Variants in NAP1L1 observed in about 807,000 individuals in gnomAD.
The protein encoded by NAP1L1 is nucleosome assembly protein 1-like 1.
In NAP1L1, 9 loss-of-function variants were observed where a neutral mutation model predicts 58.9. That is an observed-to-expected ratio of 0.15 (90% confidence interval 0.09 to 0.27). The LOEUF (loss-of-function observed/expected upper bound fraction) is 0.27. Among genes scored for constraint, NAP1L1 ranks in the 10% least tolerant of loss-of-function variants. The pLI, the probability that NAP1L1 is intolerant of heterozygous loss-of-function variation, is 1.00. For missense variants in NAP1L1, 302 were observed against 458.8 expected, an observed-to-expected ratio of 0.66 and a Z score of 3.12; for synonymous variants, 130 against 138.3, an observed-to-expected ratio of 0.94 and a Z score of 0.42.
At chr12:76,050,397 T>C (rs971244791) in intron 12 of NAP1L1, 134 bp downstream of exon 12, 2 of 1,121,648 alleles carry the variant, frequency 1.8e-6, no homozygotes, top group African/African-American at 1.6e-5. Context: ...AAAAGCTATA[T>C]ACAGAACATC....
intron 4 of NAP1L1, among the ~76,000 whole-genome samples, chr12:76,066,490 C>T (rs1949678873): frequency 6.6e-6 from 1 of 151,856 alleles, no homozygotes; most frequent in Admixed American, 6.6e-5. Context: ...AAGTTGCAAT[C>T]CCAACAAGAA....
Position 76,046,012 on chromosome 12 carries a change from C to G in NAP1L1, c.*2417G>C, listed in dbSNP as rs929249633. ...CATTTTAGTCTTCAAATAATAAACT[C>G]CACTTAGCAGGGATTGTGAGGTTGC... On this transcript the variant is annotated 3_prime_UTR_variant, in exon 15 of 15. Transcript: ENST00000618691. 1 of 151,888 alleles carries G rather than the reference C, an allele frequency of 6.6e-6. No individual in the cohort carries two copies. Among genetic ancestry groups the G allele is most frequent in the Non-Finnish European group, 1.5e-5 (1 of 67,862 alleles). The allele number at this position is 151,888 out of a possible 1,614,324, so 9.4% of individuals were successfully genotyped here. A position where few individuals can be genotyped will look rare whatever the true frequency, so the allele number is the denominator to read the frequency against.
At chr12:76,060,324 A>T in intron 4 of NAP1L1, 45 bp from the exon 5 acceptor site, 5 of 1,580,836 alleles carry the variant, frequency 3.2e-6, no homozygotes, top group Non-Finnish European at 4.3e-6. Flanking sequence ...GTAAAATGGA[A>T]GTCACACTTC....
At position 76,043,406 on chromosome 12, in the gene NAP1L1, T is replaced by TA. The variant is rs1376695612; in HGVS notation, c.*5022dup. The TA allele has an allele frequency of 2.1e-5, 3 of 145,994 alleles. No homozygotes were observed. The highest frequency in any genetic ancestry group is 7.7e-5 in the African/African-American group (3 of 39,124). The allele number at this position is 145,994 out of a possible 1,614,324, so 9.0% of individuals were successfully genotyped here. A position where few individuals can be genotyped will look rare whatever the true frequency, so the allele number is the denominator to read the frequency against. On this transcript the variant is annotated 3_prime_UTR_variant, in exon 15 of 15. Coordinates refer to ENST00000618691, the MANE Select transcript of NAP1L1 (RefSeq NM_004537.7). ...TGGGCGTGGTGGCACGTGCCTGTGA[T>TA]ACCAGCTACTCGAGAGGCTGATTGC...
At chr12:76,061,400 G>A (rs908061991) in intron 4 of NAP1L1, among the ~76,000 whole-genome samples, 1 of 152,154 alleles carries the variant, frequency 6.6e-6, no homozygotes, top group Non-Finnish European at 1.5e-5. Context: ...CTGTTCATGT[G>A]TTAGTTTGTT....
chr12:76,053,189 C>T lies in NAP1L1; in HGVS notation c.916+16G>A. 1 of 1,613,078 alleles carries T rather than the reference C, an allele frequency of 6.2e-7. No individual in the cohort carries two copies. Among genetic ancestry groups the T allele is most frequent in the Non-Finnish European group, 8.5e-7 (1 of 1,179,568 alleles). On this transcript the variant is annotated intron_variant, in intron 10 of 14. Coordinates refer to ENST00000618691, the MANE Select transcript of NAP1L1 (RefSeq NM_004537.7). Reference sequence around the variant, plus strand: ...TATAAAACAACCGTTAATACTCAAGCTAAAACATTATTTACCTTCAGGAGG... The same window carrying T: ...TATAAAACAACCGTTAATACTCAAGTTAAAACATTATTTACCTTCAGGAGG...
In NAP1L1 at chr12:76,055,064, G is replaced by A. The variant is rs754675420; in HGVS notation, c.585C>T (p.His195=). Reference sequence around the variant, plus strand: ...AGAACTTCACTTTAATATCTTTCAAGTGCTTCAGAATAGGTTCATCGTGTT... The same window carrying A: ...AGAACTTCACTTTAATATCTTTCAAATGCTTCAGAATAGGTTCATCGTGTT... ...VQEHDEPILK[H]LKDIKVKFSD... is the part of the protein sequence containing the mutation. Residue 195 remains histidine (H), a synonymous_variant, in exon 8 of 15, where the codon CAC becomes CAT. Transcript: ENST00000618691. The A allele has an allele frequency of 1.1e-5, 18 of 1,604,662 alleles. No homozygotes were observed. The highest frequency in any genetic ancestry group is 1.7e-4 in the Middle Eastern group (1 of 6,028).
At position 76,069,910 on chromosome 12, in the gene NAP1L1, T is replaced by C. The variant is rs567288833; in HGVS notation, c.18-916A>G. Among the ~76,000 whole-genome samples, 4 of 152,340 alleles carry C rather than the reference T, an allele frequency of 2.6e-5. No homozygotes were observed. The South Asian group carries it at 6.2e-4, about 24-fold the overall frequency. On this transcript the variant is annotated intron_variant, in intron 2 of 14. Transcript: ENST00000618691. ...AGGAAAATAAGGATTCCTAAGTCAA[T>C]GTAAAACATCATTGTATAATTCCTG... is the stretch of plus-strand genomic sequence containing the variant.
chr12:76,079,455 G>A (rs991569266), intron 1 of NAP1L1, among the ~76,000 whole-genome samples: 7 of 152,020 alleles, frequency 4.6e-5, no homozygotes, highest in East Asian at 1.9e-4. Context: ...AGCTATGATC[G>A]TGCCACTGCA....
chr12:76,053,058 A>C, intron 11 of NAP1L1, 33 bp downstream of exon 11: 1 of 1,575,052 alleles, frequency 6.3e-7, no homozygotes, highest in Non-Finnish European at 8.7e-7. Flanking sequence ...AATATACTTA[A>C]CAATTCAATA....
chr12:76,048,226 T>G lies in NAP1L1; in HGVS notation c.*203A>C, dbSNP rs771767715. ...AATGAATGAACATGCGTGACAGAAT[T>G]TGTGCATTCAACATAGCTGGCAGAA... On this transcript the variant is annotated 3_prime_UTR_variant, in exon 15 of 15. Coordinates refer to ENST00000618691, the MANE Select transcript of NAP1L1 (RefSeq NM_004537.7). 2.0e-6 allele frequency: 1 copy of G among 507,096 alleles called. No individual in the cohort carries two copies. The highest frequency in any genetic ancestry group is 3.5e-6 in the Non-Finnish European group (1 of 287,050). The allele number at this position is 507,096 out of a possible 1,614,324, so 31.4% of individuals were successfully genotyped here. A position where few individuals can be genotyped will look rare whatever the true frequency, so the allele number is the denominator to read the frequency against.
At position 76,039,881 on chromosome 12, in the gene NAP1L1, T is replaced by C. The variant is rs1948534050; in HGVS notation, c.*8548A>G. On this transcript the variant is annotated 3_prime_UTR_variant, in exon 15 of 15. Transcript: ENST00000618691. ...TTAATACTGTAAACTGAAATCCCAC[T>C]AGTTTAAAACTATACATGGAATAGC... 1 of 152,234 alleles carries C rather than the reference T, an allele frequency of 6.6e-6. No individual in the cohort carries two copies. The highest frequency in any genetic ancestry group is 1.5e-5 in the Non-Finnish European group (1 of 68,046). 9.4% of individuals were successfully genotyped at this position (152,234 alleles called of 1,614,324 possible).
chr12:76,079,684 A>C (rs1273496222), intron 1 of NAP1L1, among the ~76,000 whole-genome samples: 2 of 140,692 alleles, frequency 1.4e-5, no homozygotes, highest in African/African-American at 5.3e-5. Flanking sequence ...GCTTGAAGGC[A>C]TTTTTTTTTT....
chr12:76,067,745 A>G (rs1949747997), intron 3 of NAP1L1, among the ~76,000 whole-genome samples: 1 of 152,192 alleles, frequency 6.6e-6, no homozygotes, highest in Non-Finnish European at 1.5e-5. Context: ...TCTTCCTGGT[A>G]TCCTGTGTTT....
At chr12:76,056,594 C>T (rs1166106808) in intron 6 of NAP1L1, 1 of 455,748 alleles carries the variant, frequency 2.2e-6, no homozygotes, top group Admixed American at 2.4e-5. Context: ...ATGTGTGTCA[C>T]AGCTCTGCCA....
In NAP1L1 at chr12:76,059,799, G is replaced by T; in HGVS notation, c.428C>A (p.Ser143Ter). 6.3e-7 allele frequency: 1 copy of T among 1,595,180 alleles called. No homozygotes were observed. The highest frequency in any genetic ancestry group is 8.5e-7 in the Non-Finnish European group (1 of 1,169,958). Residue 143 changes from serine to a stop codon, truncating the protein, a stop_gained and splice_region_variant, in exon 6 of 15, where the codon TCG (serine) becomes TAG (stop). Transcript: ENST00000618691. LOFTEE classifies it high-confidence loss of function. ...TACCAAAATAAAGTTGGTACTAACCGAAATCTCATCTTCTTCATCTGGTTT... is the reference window on the plus strand; with the variant it reads ...TACCAAAATAAAGTTGGTACTAACCTAAATCTCATCTTCTTCATCTGGTTT... Reference protein sequence around the residue: ...EWKPDEEDEISEELKEKAKIE... With the variant: ...EWKPDEEDEI
chr12:76,070,384 A>C (rs970448270), intron 2 of NAP1L1, among the ~76,000 whole-genome samples: 1 of 152,210 alleles, frequency 6.6e-6, no homozygotes, highest in Non-Finnish European at 1.5e-5. Context: ...CTGGGATTAC[A>C]GGCATAAGCC....
rs1238092070 is a variant in NAP1L1, at chr12:76,038,381, CTT to C, written c.*10046_*10047del. The C allele has an allele frequency of 2.0e-5, 3 of 152,156 alleles. No individual in the cohort carries two copies. Among genetic ancestry groups the C allele is most frequent in the Non-Finnish European group, 4.4e-5 (3 of 68,026 alleles). The allele number at this position is 152,156 out of a possible 1,614,324, so 9.4% of individuals were successfully genotyped here. A position where few individuals can be genotyped will look rare whatever the true frequency, so the allele number is the denominator to read the frequency against. On this transcript the variant is annotated 3_prime_UTR_variant, in exon 15 of 15. Coordinates refer to ENST00000618691, the MANE Select transcript of NAP1L1 (RefSeq NM_004537.7). ...AACTAAATTCCAAGGATATTTCCCT[CTT>C]TTGCTGTCATTTTTCCATTGCCACA... is the stretch of plus-strand genomic sequence containing the variant.
chr12:76,081,990 T>A (rs1198770039), intron 1 of NAP1L1, among the ~76,000 whole-genome samples: 1 of 152,208 alleles, frequency 6.6e-6, no homozygotes, highest in Admixed American at 6.5e-5. Context: ...CTTTTGCTCA[T>A]GACATAAGAT....
Sources: gnomAD v4.1 joint callset for allele counts (sites outside exome capture counted in the v4.1 genomes callset) on GRCh38, gnomAD v4.1.1 for gene constraint, MANE v1.5 for transcripts, NCBI Gene and HGNC (gene_info 2026-07-23, HGNC 2026-07-21) for gene names.